The following IST1 variants were observed in gnomAD, a reference collection of about 807,000 sequenced individuals.
IST1 encodes IST1 factor associated with ESCRT-III, also known as IST1 homolog.
Under a neutral mutation model 37.0 loss-of-function variants are expected in IST1, and 23 were observed. The ratio of observed to expected loss-of-function variants is 0.62; its 90% confidence interval spans 0.45 to 0.88. IST1 has a LOEUF of 0.88. IST1 is among the 40% of genes least tolerant of loss of function. The probability of loss-of-function intolerance (pLI) is 0.00; values close to 1 mark genes in which losing one functional copy is unlikely to be tolerated. For missense variants in IST1, 488 were observed against 445.4 expected (o/e 1.10, Z -0.86); for synonymous variants, 180 against 161.7 (o/e 1.11, Z -0.86).
Position 71,921,954 on chromosome 16 carries a change from G to T in IST1, c.552+501G>T, listed in dbSNP as rs529302643. 1.1e-4 allele frequency among the ~76,000 whole-genome samples: 17 copies of T among 152,246 alleles called. No individual in the cohort carries two copies. In the South Asian group the frequency reaches 1.2e-3, roughly 11 times the overall value. On this transcript the variant is annotated intron_variant, in intron 6 of 9. Coordinates refer to ENST00000378799, the MANE Select transcript of IST1 (RefSeq NM_001270975.2). The stretch of plus-strand genomic sequence containing the variant: ...AGATCGAGACCATCCTGGCTAACAC[G>T]GTGAAACCCTGTCTCTACTAAAAAT...
intron 5 of IST1, 144 bp from the exon 6 acceptor site, chr16:71,921,199 T>A (rs1304128851): frequency 8.0e-6 from 5 of 627,532 alleles, no homozygotes; most frequent in Non-Finnish European, 1.4e-5. Flanking sequence ...GTCTTGTGAC[T>A]CTGAAAAAAA....
chr16:71,924,463 T>G, intron 8 of IST1: 1 of 500,630 alleles, frequency 2.0e-6, no homozygotes. Flanking sequence ...TAGTGCTGCA[T>G]GCCTGTGGTC....
At chr16:71,915,124 C>T (rs2037440235) in intron 1 of IST1, among the ~76,000 whole-genome samples, 1 of 152,126 alleles carries the variant, frequency 6.6e-6, no homozygotes, top group Non-Finnish European at 1.5e-5. Context: ...GACTTGTTGG[C>T]AGGATTTGGG....
In IST1 at chr16:71,923,353, A is replaced by T. The variant is rs1403551032; in HGVS notation, c.825A>T (p.Ile275=). 1 of 1,610,488 alleles carries T rather than the reference A, an allele frequency of 6.2e-7. No individual in the cohort carries two copies. The highest frequency in any genetic ancestry group is 8.5e-7 in the Non-Finnish European group (1 of 1,176,862). ...QAFPNIHPPQ[I]PATPPSYESV... is the part of the protein sequence containing the mutation. ...TTCCCAATATTCATCCACCTCAGAT[A>T]CCAGCAACTCCCCCATCGTATGAAT... Residue 275 remains isoleucine (I), a synonymous_variant, in exon 8 of 10, where the codon ATA becomes ATT. Coordinates refer to ENST00000378799, the MANE Select transcript of IST1 (RefSeq NM_001270975.2).
At position 71,930,309 on chromosome 16, in the gene IST1, G is replaced by C. The variant is rs537896615; in HGVS notation, c.*2496G>C. 1.2e-5 allele frequency: 11 copies of C among 937,444 alleles called. No individual in the cohort carries two copies. The South Asian group carries it at 2.6e-4, about 22-fold the overall frequency. The allele number at this position is 937,444 out of a possible 1,614,324, so 58.1% of individuals were successfully genotyped here. A position where few individuals can be genotyped will look rare whatever the true frequency, so the allele number is the denominator to read the frequency against. ...CTTATCCGAAGGAAACTTAGGGAGA[G>C]AGTCAAAAGATAATAAGAAGGAAAA... On this transcript the variant is annotated 3_prime_UTR_variant, in exon 10 of 10. Coordinates refer to ENST00000378799, the MANE Select transcript of IST1 (RefSeq NM_001270975.2).
At chr16:71,917,820 A>G (rs997214610) in intron 4 of IST1, among the ~76,000 whole-genome samples, 3 of 151,414 alleles carry the variant, frequency 2.0e-5, no homozygotes, top group Non-Finnish European at 4.4e-5. Flanking sequence ...GGTTTGTTTC[A>G]TGGCTACAAT....
chr16:71,916,969 A>G, intron 3 of IST1, 78 bp from the exon 4 acceptor site: 1 of 886,478 alleles, frequency 1.1e-6, no homozygotes, highest in Non-Finnish European at 1.7e-6. Context: ...TTTGGAGGCT[A>G]TAAAGTATAT....
Position 71,929,176 on chromosome 16 carries a change from T to G in IST1, c.*1363T>G, listed in dbSNP as rs1238713338. On this transcript the variant is annotated 3_prime_UTR_variant, in exon 10 of 10. Coordinates refer to ENST00000378799, the MANE Select transcript of IST1 (RefSeq NM_001270975.2). ...AGATAGCCCAGATAGCATCTGTGAA[T>G]TTCCTTGGTCTTCCTCAGTGGCAGG... is the stretch of plus-strand genomic sequence containing the variant. The G allele has an allele frequency of 3.2e-5, 6 of 185,036 alleles. No homozygotes were observed. Among genetic ancestry groups the G allele is most frequent in the Non-Finnish European group, 6.9e-5 (6 of 87,526 alleles). The allele number at this position is 185,036 out of a possible 1,614,324, so 11.5% of individuals were successfully genotyped here. A position where few individuals can be genotyped will look rare whatever the true frequency, so the allele number is the denominator to read the frequency against.
At chr16:71,911,464 CAG>C (rs2037352539) in intron 1 of IST1, among the ~76,000 whole-genome samples, 1 of 152,058 alleles carries the variant, frequency 6.6e-6, no homozygotes, top group Non-Finnish European at 1.5e-5. Flanking sequence ...ACTTGGGAGG[CAG>C]GGGTTGCAGT....
intron 8 of IST1, among the ~76,000 whole-genome samples, chr16:71,923,767 G>T (rs1039112374): frequency 6.6e-6 from 1 of 152,150 alleles, no homozygotes; most frequent in African/African-American, 2.4e-5. Flanking sequence ...CTCAACACAT[G>T]TAAAGGAAGA....
At chr16:71,922,917 ACTGAATATCTTTGGGAT>A in intron 7 of IST1, 1 of 575,604 alleles carries the variant, frequency 1.7e-6, no homozygotes, top group South Asian at 2.1e-5. Context: ...ATATAGGTTT[ACTGAATATCTTTGGGAT>A]CTGTTATAGT....
chr16:71,918,451 G>C (rs28697038), intron 4 of IST1, among the ~76,000 whole-genome samples: 106,986 of 147,732 alleles, frequency 0.72, 39,344 homozygotes, highest in East Asian at 0.97. Context: ...GAGTCTTGCA[G>C]TGTTGCCTGG....
intron 1 of IST1, among the ~76,000 whole-genome samples, chr16:71,914,889 T>C (rs964147021): frequency 1.3e-4 from 20 of 152,174 alleles, no homozygotes; most frequent in African/African-American, 4.1e-4. Context: ...TGCACAGTGG[T>C]CAGTGCACAA....
chr16:71,920,487 C>T (rs1335845011), intron 4 of IST1, among the ~76,000 whole-genome samples: 4 of 152,182 alleles, frequency 2.6e-5, no homozygotes, highest in Admixed American at 6.5e-5. Flanking sequence ...AGAGTAAGAA[C>T]AGTATCTGTT....
In IST1 at chr16:71,921,396, C is replaced by G. The variant is rs753960268; in HGVS notation, c.495C>G (p.Tyr165Ter). 2 of 1,613,776 alleles carry G rather than the reference C, an allele frequency of 1.2e-6. No individual in the cohort carries two copies. The highest frequency in any genetic ancestry group is 8.5e-7 in the Non-Finnish European group (1 of 1,179,836). ...EAPPKILVER[Y>*]LIEIAKNYNV... ...CACCCAAAATCCTGGTGGAGAGATA[C>G]CTGATTGAAATTGCAAAGAATTACA... Residue 165 changes from tyrosine (Y) to a stop codon, truncating the protein, a stop_gained, in exon 6 of 10, where the codon TAC becomes TAG. Transcript: ENST00000378799. LOFTEE classifies it high-confidence loss of function.
rs748608419 is a variant in IST1 at position 71,924,769 on chromosome 16, G to A, written c.853G>A (p.Val285Ile). The A allele has an allele frequency of 8.7e-6, 14 of 1,606,510 alleles. No homozygotes were observed. Among genetic ancestry groups the A allele is most frequent in the Non-Finnish European group, 1.0e-5 (12 of 1,173,092 alleles). ...IPATPPSYES[V>I]DDINADKNIS... ...TCTGGTAACAATCTTTGTGTTTCAG[G>A]TAGATGACATTAATGCTGATAAGAA... Residue 285 changes from valine to isoleucine, a missense_variant and splice_region_variant, in exon 9 of 10, where the codon GTA (valine) becomes ATA (isoleucine). By Grantham distance (29) the Val-to-Ile change is conservative. Coordinates refer to ENST00000378799, the MANE Select transcript of IST1 (RefSeq NM_001270975.2).
intron 1 of IST1, among the ~76,000 whole-genome samples, chr16:71,910,083 C>G (rs866386773): frequency 1.8e-4 from 28 of 152,236 alleles, no homozygotes; most frequent in Admixed American, 3.9e-4. Flanking sequence ...CTCCCTTATC[C>G]ATGTTTTCAT....
intron 9 of IST1, among the ~76,000 whole-genome samples, chr16:71,925,860 T>A (rs986888033): frequency 6.6e-6 from 1 of 152,154 alleles, no homozygotes; most frequent in Non-Finnish European, 1.5e-5. Context: ...GAGGCGTTCT[T>A]AGCCCAGGAG....
intron 1 of IST1, among the ~76,000 whole-genome samples, chr16:71,907,783 C>A (rs980549925): frequency 6.6e-6 from 1 of 151,880 alleles, no homozygotes; most frequent in African/African-American, 2.4e-5. Flanking sequence ...CAGTTTCTTT[C>A]TTTGGTTTGT....
Sources: gnomAD v4.1 joint callset for allele counts (sites outside exome capture counted in the v4.1 genomes callset) on GRCh38, gnomAD v4.1.1 for gene constraint, MANE v1.5 for transcripts, NCBI Gene and HGNC (gene_info 2026-07-23, HGNC 2026-07-21) for gene names.